CDKN2B-AS1: variants seen among roughly 807,000 people sequenced by gnomAD.
The protein encoded by CDKN2B-AS1 is CDKN2B and CDKN2A antisense cis and trans regulatory RNA 1, also known as CDKN2B antisense RNA 1 (non-protein coding).
chr9:22,027,093 C>T (rs1451862654), intron 1 of CDKN2B-AS1, among the ~76,000 whole-genome samples: 2 of 151,890 alleles, frequency 1.3e-5, no homozygotes, highest in African/African-American at 4.8e-5. Flanking sequence ...TTTAGTCACC[C>T]CTTTCTTTCC....
chr9:22,047,583 A>G (rs572654994), intron 2 of CDKN2B-AS1, among the ~76,000 whole-genome samples: 12 of 152,176 alleles, frequency 7.9e-5, no homozygotes, highest in Non-Finnish European at 1.2e-4. Context: ...GTTATTATTT[A>G]TTATGATTCT....
chr9:22,019,520 A>C (rs1013294850), intron 1 of CDKN2B-AS1, among the ~76,000 whole-genome samples: 1 of 152,242 alleles, frequency 6.6e-6, no homozygotes, highest in Non-Finnish European at 1.5e-5. Flanking sequence ...GTTGGTGATC[A>C]TGGTCACCAA....
intron 4 of CDKN2B-AS1, among the ~76,000 whole-genome samples, chr9:22,089,748 T>C (rs762744872): frequency 6.6e-6 from 1 of 152,092 alleles, no homozygotes; most frequent in Non-Finnish European, 1.5e-5. Flanking sequence ...CTTTGCCCCC[T>C]AGCAGACGTC....
intron 4 of CDKN2B-AS1, chr9:22,077,770 A>G (rs1256860846): frequency 6.6e-6 from 1 of 152,248 alleles, no homozygotes. Flanking sequence ...ACCAGGATCC[A>G]TCACTGATTA....
intron 4 of CDKN2B-AS1, chr9:22,058,372 CG>C (rs1299183745): frequency 6.6e-6 from 1 of 152,140 alleles, no homozygotes; most frequent in African/African-American, 2.4e-5. Context: ...CTCCAATGAA[CG>C]CCTTCACTGA....
intron 4 of CDKN2B-AS1, among the ~76,000 whole-genome samples, chr9:22,091,027 T>G (rs1825063621): frequency 6.6e-6 from 1 of 152,200 alleles, no homozygotes; most frequent in African/African-American, 2.4e-5. Flanking sequence ...AAGGATCCAG[T>G]TTCAGCTTTC....
At chr9:22,015,305 TCTTTATTAAGA>T (rs1821696945) in intron 1 of CDKN2B-AS1, among the ~76,000 whole-genome samples, 1 of 152,132 alleles carries the variant, frequency 6.6e-6, no homozygotes, top group South Asian at 2.1e-4. Flanking sequence ...ATTTCTAGAC[TCTTTATTAAGA>T]TTCATTTTCC....
At chr9:22,010,546 A>T (rs943856474) in intron 1 of CDKN2B-AS1, among the ~76,000 whole-genome samples, 1 of 152,128 alleles carries the variant, frequency 6.6e-6, no homozygotes, top group Non-Finnish European at 1.5e-5. Context: ...CTGACTCCTC[A>T]TCCCCCAAAT....
rs139479321 is a variant in CDKN2B-AS1, at chr9:22,085,802, T to C, written n.438+29415T>C. Among the ~76,000 whole-genome samples the C allele has an allele frequency of 4.3e-4, 66 of 152,136 alleles. No individual in the cohort carries two copies. In the East Asian group the frequency reaches 0.012, roughly 28 times the overall value. ...CTACTGATCCTTGACCTCCCTCCTT[T>C]CTCTGACCATGTCTAGACAAGTGTC... is the stretch of plus-strand genomic sequence containing the variant. On this transcript the variant is annotated intron_variant and non_coding_transcript_variant, in intron 4 of 4. Transcript: ENST00000650946.
intron 4 of CDKN2B-AS1, among the ~76,000 whole-genome samples, chr9:22,060,492 C>G (rs1823769614): frequency 6.6e-6 from 1 of 152,174 alleles, no homozygotes; most frequent in African/African-American, 2.4e-5. Flanking sequence ...TTGGACAAAG[C>G]CATTAAACAA....
At chr9:22,083,165 T>C (rs138161405) in intron 4 of CDKN2B-AS1, among the ~76,000 whole-genome samples, 48 of 152,368 alleles carry the variant, frequency 3.2e-4, no homozygotes, top group Admixed American at 5.2e-4. Flanking sequence ...GATTCCCATT[T>C]TTCTCATGAG....
intron 1 of CDKN2B-AS1, among the ~76,000 whole-genome samples, chr9:22,007,968 T>C (rs1331267721): frequency 6.6e-6 from 1 of 152,140 alleles, no homozygotes; most frequent in African/African-American, 2.4e-5. Flanking sequence ...TAGAGGGTGA[T>C]AGTGAGGTGA....
At chr9:22,081,649 C>T (rs1824699504) in intron 4 of CDKN2B-AS1, among the ~76,000 whole-genome samples, 2 of 152,192 alleles carry the variant, frequency 1.3e-5, no homozygotes, top group Admixed American at 1.3e-4. Flanking sequence ...AGCTGAAACT[C>T]CCCCTTCAAG....
At chr9:22,098,072 G>A (rs1293758036) in intron 4 of CDKN2B-AS1, among the ~76,000 whole-genome samples, 1 of 151,936 alleles carries the variant, frequency 6.6e-6, no homozygotes, top group South Asian at 2.1e-4. Flanking sequence ...GGCTCATAAA[G>A]TCCATTTAGA....
chr9:22,101,928 G>C (rs756593197), intron 4 of CDKN2B-AS1, among the ~76,000 whole-genome samples: 8 of 152,158 alleles, frequency 5.3e-5, no homozygotes, highest in Non-Finnish European at 1.0e-4. Context: ...GTCATGAACT[G>C]TCTATGGCAC....
chr9:22,065,393 C>G (rs1326976310), intron 4 of CDKN2B-AS1, among the ~76,000 whole-genome samples: 2 of 152,186 alleles, frequency 1.3e-5, no homozygotes, highest in African/African-American at 2.4e-5. Flanking sequence ...AAAGTAACCA[C>G]TAGACTTTGA....
chr9:22,037,457 A>G (rs1047274863), intron 1 of CDKN2B-AS1, among the ~76,000 whole-genome samples: 3 of 151,602 alleles, frequency 2.0e-5, no homozygotes, highest in African/African-American at 7.2e-5. Flanking sequence ...TCTAGTTTCC[A>G]CAAGAATTGT....
Position 22,006,591 on chromosome 9 carries a change from CAG to C in CDKN2B-AS1, n.29+11433_29+11434del, listed in dbSNP as rs368869741. ...TCTATTTTGTTAAATGATTTAGGGG[CAG>C]AGTTAAATTTATTCGGCTTTTAAAG... On this transcript the variant is annotated intron_variant and non_coding_transcript_variant, in intron 1 of 4. Coordinates refer to ENST00000650946, the Ensembl canonical transcript of CDKN2B-AS1. This position sits in a 1 kb window ranked among gnomAD's most constrained non-coding sequence, Gnocchi z 6.4. Among the ~76,000 whole-genome samples the C allele has an allele frequency of 1.3e-5, 2 of 152,262 alleles. No individual in the cohort carries two copies. The highest frequency in any genetic ancestry group is 4.8e-5 in the African/African-American group (2 of 41,544).
At chr9:22,060,913 G>A (rs1823790457) in intron 4 of CDKN2B-AS1, among the ~76,000 whole-genome samples, 1 of 152,010 alleles carries the variant, frequency 6.6e-6, no homozygotes, top group Non-Finnish European at 1.5e-5. Context: ...ATCGGCCCTC[G>A]GGATTCAGTT....
Sources: allele counts gnomAD v4.1 joint callset (sites outside exome capture counted in the v4.1 genomes callset), GRCh38; gene constraint gnomAD v4.1.1; non-coding constraint Gnocchi (gnomAD v3.1); transcripts MANE v1.5; gene names NCBI Gene and HGNC (gene_info 2026-07-23, HGNC 2026-07-21).